The following UBE2E1 variants were observed in gnomAD, a reference collection of about 807,000 sequenced individuals.
UBE2E1 encodes ubiquitin-conjugating enzyme E2 E1.
In UBE2E1, 6 loss-of-function variants were observed where a neutral mutation model predicts 21.4. The ratio of observed to expected loss-of-function variants is 0.28; its 90% CI spans 0.15 to 0.55. The LOEUF is 0.55. Among genes scored for constraint, UBE2E1 ranks in the 20% least tolerant of loss-of-function variants. The probability of loss-of-function intolerance (pLI) is 0.93; values close to 1 mark genes in which losing one functional copy is unlikely to be tolerated. For missense variants in UBE2E1, 142 were observed against 236.5 expected, an observed-to-expected ratio of 0.60 and a Z score of 2.62; for synonymous variants, 87 against 82.7, an observed-to-expected ratio of 1.05 and a Z score of -0.28.
intron 3 of UBE2E1, among the ~76,000 whole-genome samples, chr3:23,858,054 T>C (rs1434993454): frequency 6.6e-6 from 1 of 152,142 alleles, no homozygotes; most frequent in Non-Finnish European, 1.5e-5. Context: ...CTAGTCTTTC[T>C]TAAGAGGCTG....
intron 3 of UBE2E1, among the ~76,000 whole-genome samples, chr3:23,859,492 C>T (rs1575021740): frequency 6.6e-6 from 1 of 152,212 alleles, no homozygotes; most frequent in African/African-American, 2.4e-5. Context: ...CCAGTGTCTG[C>T]TTACCAGGTT....
intron 3 of UBE2E1, among the ~76,000 whole-genome samples, chr3:23,850,990 C>T (rs1024444408): frequency 2.8e-4 from 43 of 151,850 alleles, no homozygotes; most frequent in Non-Finnish European, 8.8e-5. Context: ...CCAGCCTATT[C>T]CTATATTTTC....
At position 23,842,198 on chromosome 3, in the gene UBE2E1, G is replaced by GGGGGGTGTGTGTGTGTGTGT. The variant is rs1553637704; in HGVS notation, c.203+30689_203+30690insGGGGTGTGTGTGTGTGTGTG. Among the ~76,000 whole-genome samples the GGGGGGTGTGTGTGTGTGTGT allele has an allele frequency of 1.1e-4, 12 of 104,358 alleles. No individual in the cohort carries two copies. Among genetic ancestry groups the GGGGGGTGTGTGTGTGTGTGT allele is most frequent in the African/African-American group, 4.3e-4 (12 of 27,702 alleles). 68.5% of individuals were successfully genotyped at this position (104,358 alleles called of 152,430 possible). On this transcript the variant is annotated intron_variant, in intron 3 of 5. Transcript: ENST00000306627. The surrounding 1 kb of genome is among the most constrained non-coding windows in gnomAD (Gnocchi z 4.6). ...TATGTCATGACCCAGTAAGTGAAGG[G>GGGGGGTGTGTGTGTGTGTGT]GTGTGTGTGTGTGTGTGTGTGTGTG... is the stretch of plus-strand genomic sequence containing the variant.
intron 3 of UBE2E1, among the ~76,000 whole-genome samples, chr3:23,880,981 CAATAT>C (rs1701025181): frequency 6.6e-6 from 1 of 152,272 alleles, no homozygotes; most frequent in African/African-American, 2.4e-5. Flanking sequence ...GTATACTTAT[CAATAT>C]AATATTGAGG....
rs577741022 is a variant in UBE2E1, at chr3:23,817,876, A to G, written c.203+6366A>G. Among the ~76,000 whole-genome samples, 7 of 152,322 alleles carry G rather than the reference A, an allele frequency of 4.6e-5. No individual in the cohort carries two copies. The East Asian group carries it at 5.8e-4, about 13-fold the overall frequency. ...GCTAAGTCTTTAAATTTTATTATGT[A>G]GATGCTGGAGAATCATTAAAAACCT... is the stretch of plus-strand genomic sequence containing the variant. On this transcript the variant is annotated intron_variant, in intron 3 of 5. Coordinates refer to ENST00000306627, the MANE Select transcript of UBE2E1 (RefSeq NM_003341.5).
intron 3 of UBE2E1, among the ~76,000 whole-genome samples, chr3:23,884,184 T>C (rs1208374213): frequency 6.8e-6 from 1 of 147,096 alleles, no homozygotes; most frequent in Non-Finnish European, 1.5e-5. Flanking sequence ...CTGTTTTGTC[T>C]ACTTTTTTCT....
At position 23,810,817 on chromosome 3, in the gene UBE2E1, G is replaced by A. The variant is rs1699373399; in HGVS notation, c.153-643G>A. On this transcript the variant is annotated intron_variant, in intron 2 of 5. Coordinates refer to ENST00000306627, the MANE Select transcript of UBE2E1 (RefSeq NM_003341.5). The surrounding 1 kb of genome is among the most constrained non-coding windows in gnomAD (Gnocchi z 5.8). The stretch of plus-strand genomic sequence containing the variant: ...CGGGGGCGCGCGCGGGGTGGGGGCG[G>A]CGTGGCCGGGCGGTGGCAGCCCACC... 1.1e-5 allele frequency: 2 copies of A among 189,956 alleles called. No individual in the cohort carries two copies. Among genetic ancestry groups the A allele is most frequent in the Non-Finnish European group, 2.1e-5 (2 of 93,668 alleles). 11.8% of individuals were successfully genotyped at this position (189,956 alleles called of 1,614,324 possible). A position where few individuals can be genotyped will look rare whatever the true frequency, so the allele number is the denominator to read the frequency against.
chr3:23,852,433 G>A (rs1253833185), intron 3 of UBE2E1, among the ~76,000 whole-genome samples: 7 of 152,042 alleles, frequency 4.6e-5, no homozygotes, highest in Admixed American at 2.0e-4. Context: ...AGTATATAGC[G>A]ATGGTTGGTT....
intron 5 of UBE2E1, chr3:23,889,744 T>A: frequency 1.0e-6 from 1 of 985,296 alleles, no homozygotes; most frequent in Non-Finnish European, 1.2e-6. Context: ...TGGGACTTCA[T>A]TTCATTTAAA....
intron 3 of UBE2E1, among the ~76,000 whole-genome samples, chr3:23,819,359 C>T (rs951157773): frequency 6.6e-6 from 1 of 152,060 alleles, no homozygotes; most frequent in Non-Finnish European, 1.5e-5. Context: ...TGTAGAGAAA[C>T]TGATGGCCCT....
chr3:23,833,582 G>C (rs17013764), intron 3 of UBE2E1, among the ~76,000 whole-genome samples: 2,321 of 152,298 alleles, frequency 0.015, 44 homozygotes, highest in African/African-American at 0.051. Context: ...CAAGATGTCG[G>C]AAAGCAATGG....
At chr3:23,871,661 C>T (rs1211639848) in intron 3 of UBE2E1, among the ~76,000 whole-genome samples, 12 of 149,030 alleles carry the variant, frequency 8.1e-5, no homozygotes, top group African/African-American at 1.7e-4. Flanking sequence ...TCAGATGGGG[C>T]GGCCGGGCAG....
rs540809312 is a variant in UBE2E1 at position 23,871,927 on chromosome 3, G to A, written c.204-15640G>A. On this transcript the variant is annotated intron_variant, in intron 3 of 5. Transcript: ENST00000306627. ...CAGAGGGGCTCCTCACGTCCCAGACGATGGGCGGCCAGGCAGAGACGCTCC... is the reference window on the plus strand; with the variant it reads ...CAGAGGGGCTCCTCACGTCCCAGACAATGGGCGGCCAGGCAGAGACGCTCC... 2.4e-3 allele frequency among the ~76,000 whole-genome samples: 369 copies of A among 150,692 alleles called. 1 individual carries two copies. The highest frequency in any genetic ancestry group is 0.02 in the Middle Eastern group (6 of 294).
chr3:23,807,264 T>G lies in UBE2E1; in HGVS notation c.-6T>G. 6 of 1,596,738 alleles carry G rather than the reference T, an allele frequency of 3.8e-6. No homozygotes were observed. The highest frequency in any genetic ancestry group is 5.1e-6 in the Non-Finnish European group (6 of 1,172,300). ...GCTGTTTGCGGGGTGGGGTGGGGGG[T>G]TCGCTATGTCGGATGACGATTCGAG... On this transcript the variant is annotated 5_prime_UTR_variant, in exon 2 of 6. Coordinates refer to ENST00000306627, the MANE Select transcript of UBE2E1 (RefSeq NM_003341.5).
chr3:23,814,008 TC>T (rs1432012438), intron 3 of UBE2E1, among the ~76,000 whole-genome samples: 2 of 152,228 alleles, frequency 1.3e-5, no homozygotes, highest in African/African-American at 2.4e-5. Context: ...TTGCCATACT[TC>T]CTTTCTTCAG....
intron 3 of UBE2E1, among the ~76,000 whole-genome samples, chr3:23,830,768 G>A (rs1007406663): frequency 6.6e-6 from 1 of 152,222 alleles, no homozygotes; most frequent in Admixed American, 6.5e-5. Context: ...CAGATGAGTG[G>A]TCTCATTGAA....
chr3:23,885,120 G>A (rs528042774), intron 3 of UBE2E1, among the ~76,000 whole-genome samples: 1 of 152,330 alleles, frequency 6.6e-6, no homozygotes, highest in Admixed American at 6.5e-5. Flanking sequence ...GTCTGGTGAG[G>A]ATGCGTTTCT....
intron 3 of UBE2E1, among the ~76,000 whole-genome samples, chr3:23,860,332 C>G (rs548850513): frequency 6.6e-6 from 1 of 152,200 alleles, no homozygotes; most frequent in South Asian, 2.1e-4. Context: ...CTTTAGCGCT[C>G]TGGTTTTACC....
intron 3 of UBE2E1, among the ~76,000 whole-genome samples, chr3:23,848,597 T>G (rs143868117): frequency 1.3e-5 from 2 of 152,232 alleles, no homozygotes; most frequent in Admixed American, 6.5e-5. Context: ...TAATCACAAT[T>G]TTAGAAAAAA....
Sources: allele counts gnomAD v4.1 joint callset (sites outside exome capture counted in the v4.1 genomes callset), GRCh38; gene constraint gnomAD v4.1.1; non-coding constraint Gnocchi (gnomAD v3.1); transcripts MANE v1.5; gene names NCBI Gene and HGNC (gene_info 2026-07-23, HGNC 2026-07-21).